CDH13: variants seen among roughly 807,000 people sequenced by gnomAD.
CDH13 encodes cadherin 13.
In CDH13, 24 loss-of-function variants were observed where a neutral mutation model predicts 63.8. The observed-to-expected ratio is 0.38, with a 90% confidence interval of 0.27 to 0.53. CDH13 has a LOEUF of 0.53. Among genes scored for constraint, CDH13 ranks in the 20% least tolerant of loss-of-function variants. The pLI, the probability that CDH13 is intolerant of heterozygous loss-of-function variation, is 0.85. For missense variants in CDH13, 1,049 were observed against 903.1 expected, an observed-to-expected ratio of 1.16 and a Z score of -2.07; for synonymous variants, 503 against 355.3, an observed-to-expected ratio of 1.42 and a Z score of -4.67.
intron 5 of CDH13, among the ~76,000 whole-genome samples, chr16:83,311,447 C>A (rs923489867): frequency 5.3e-5 from 8 of 152,190 alleles, no homozygotes; most frequent in Non-Finnish European, 1.2e-4. Context: ...TCTGAGTTTT[C>A]TCCTTATACC....
intron 1 of CDH13, among the ~76,000 whole-genome samples, chr16:82,742,280 G>A (rs1163115122): frequency 6.6e-6 from 1 of 152,042 alleles, no homozygotes; most frequent in African/African-American, 2.4e-5. Context: ...GATTACATTT[G>A]GATGTAATAA....
intron 3 of CDH13, among the ~76,000 whole-genome samples, chr16:83,104,747 G>T (rs1171203778): frequency 2.0e-5 from 3 of 152,196 alleles, no homozygotes; most frequent in African/African-American, 7.2e-5. Flanking sequence ...GGGGGCAATT[G>T]ACTTTGGTGG....
chr16:82,818,982 T>G (rs1049850567), intron 1 of CDH13, among the ~76,000 whole-genome samples: 6 of 152,210 alleles, frequency 3.9e-5, no homozygotes, highest in African/African-American at 7.2e-5. Flanking sequence ...ACTGTGGCTT[T>G]GCCAGGAGGT....
intron 7 of CDH13, among the ~76,000 whole-genome samples, chr16:83,599,622 G>C (rs552159819): frequency 6.6e-6 from 1 of 151,758 alleles, no homozygotes; most frequent in Non-Finnish European, 1.5e-5. Flanking sequence ...ATAACCAAAA[G>C]GCCTAATAAT....
At chr16:82,830,145 C>G (rs2038464683) in intron 1 of CDH13, among the ~76,000 whole-genome samples, 1 of 152,138 alleles carries the variant, frequency 6.6e-6, no homozygotes, top group South Asian at 2.1e-4. Flanking sequence ...GGTGGCAGGG[C>G]TGGGATCCAT....
intron 7 of CDH13, among the ~76,000 whole-genome samples, chr16:83,578,716 C>A (rs970189906): frequency 6.6e-6 from 1 of 152,188 alleles, no homozygotes; most frequent in African/African-American, 2.4e-5. Context: ...CTTCAAACAC[C>A]TTACAGATTG....
intron 11 of CDH13, among the ~76,000 whole-genome samples, chr16:83,776,302 G>A (rs147430425): frequency 7.4e-4 from 112 of 152,228 alleles, no homozygotes; most frequent in African/African-American, 2.5e-3. Context: ...GGATTCTTCC[G>A]AGATATTCAA....
At chr16:82,890,219 A>G (rs926137146) in intron 2 of CDH13, among the ~76,000 whole-genome samples, 1 of 152,184 alleles carries the variant, frequency 6.6e-6, no homozygotes, top group Non-Finnish European at 1.5e-5. Flanking sequence ...AAAATTAATG[A>G]CCTGAGAGCC....
chr16:83,750,976 T>TA (rs11297972), intron 11 of CDH13, among the ~76,000 whole-genome samples: 26,158 of 147,882 alleles, frequency 0.18, 2,651 homozygotes, highest in Middle Eastern at 0.26. Context: ...CTTAACTATT[T>TA]AAAAAAAAAA....
At position 83,175,086 on chromosome 16, in the gene CDH13, G is replaced by A. The variant is rs186971124; in HGVS notation, c.484-42259G>A. ...AATCATCAGCTACGTATCGCTGGTG[G>A]CTATTATATGCAGTACATACATACT... On this transcript the variant is annotated intron_variant, in intron 4 of 13. Transcript: ENST00000567109. Among the ~76,000 whole-genome samples the A allele has an allele frequency of 1.3e-5, 2 of 152,072 alleles. 1 individual carries two copies. The highest frequency in any genetic ancestry group is 1.3e-4 in the Admixed American group (2 of 15,252).
chr16:83,392,035 C>G (rs145501092), intron 6 of CDH13, among the ~76,000 whole-genome samples: 1 of 152,260 alleles, frequency 6.6e-6, no homozygotes, highest in African/African-American at 2.4e-5. Flanking sequence ...ACCTAATTGT[C>G]ACCTCCCACT....
In CDH13 at chr16:82,698,746, G is replaced by T. The variant is rs187856453; in HGVS notation, c.45+71609G>T. ...TGGCACAGGGGGGCGTGAAGAATCGGAACATTTTTTACAATCTATTACAGG... is the reference window on the plus strand; with the variant it reads ...TGGCACAGGGGGGCGTGAAGAATCGTAACATTTTTTACAATCTATTACAGG... On this transcript the variant is annotated intron_variant, in intron 1 of 13. Transcript: ENST00000567109. Among the ~76,000 whole-genome samples, 248 of 152,254 alleles carry T rather than the reference G, an allele frequency of 1.6e-3. 2 individuals are homozygous for T. The highest frequency in any genetic ancestry group is 6.6e-3 in the South Asian group (32 of 4,820).
At chr16:83,019,214 A>G (rs543291460) in intron 2 of CDH13, among the ~76,000 whole-genome samples, 1 of 152,182 alleles carries the variant, frequency 6.6e-6, no homozygotes, top group Non-Finnish European at 1.5e-5. Context: ...TATTTTCTTT[A>G]TATCCTTATT....
chr16:83,264,959 G>T (rs139110994), intron 5 of CDH13, among the ~76,000 whole-genome samples: 27 of 152,008 alleles, frequency 1.8e-4, no homozygotes, highest in African/African-American at 6.3e-4. Flanking sequence ...TATGAAATAC[G>T]ACTCTGATAG....
intron 11 of CDH13, among the ~76,000 whole-genome samples, chr16:83,753,791 G>A (rs1004365602): frequency 4.0e-5 from 6 of 151,796 alleles, no homozygotes; most frequent in Non-Finnish European, 2.9e-5. Flanking sequence ...GATACAGTAC[G>A]GAAGTGTCCC....
intron 1 of CDH13, among the ~76,000 whole-genome samples, chr16:82,665,697 A>G (rs1912500749): frequency 6.6e-6 from 1 of 151,932 alleles, no homozygotes; most frequent in South Asian, 2.1e-4. Context: ...GACTCTGCCC[A>G]ACTCCAGACA....
chr16:82,984,619 T>G (rs1400473558), intron 2 of CDH13, among the ~76,000 whole-genome samples: 7 of 152,244 alleles, frequency 4.6e-5, no homozygotes, highest in Admixed American at 2.0e-4. Flanking sequence ...CTCATTTGTT[T>G]GTAGCAACTG....
In CDH13 at chr16:83,346,621, C is replaced by T. The variant is rs142954018; in HGVS notation, c.781+1615C>T. 1.5e-3 allele frequency among the ~76,000 whole-genome samples: 235 copies of T among 152,208 alleles called. 3 individuals are homozygous for T. The East Asian group carries it at 0.029, about 19-fold the overall frequency. ...TATATTATGTGTGTATATGATTAGACGGTGTCCAATTTTCCTCCCACTGTG... is the reference window on the plus strand; with the variant it reads ...TATATTATGTGTGTATATGATTAGATGGTGTCCAATTTTCCTCCCACTGTG... On this transcript the variant is annotated intron_variant, in intron 6 of 13. Transcript: ENST00000567109.
intron 10 of CDH13, among the ~76,000 whole-genome samples, chr16:83,692,336 C>T (rs899688580): frequency 6.6e-6 from 1 of 152,128 alleles, no homozygotes; most frequent in African/African-American, 2.4e-5. Flanking sequence ...GCTCCCTGGA[C>T]TCAAGGTTGC....
Sources: gnomAD v4.1 joint callset for allele counts (sites outside exome capture counted in the v4.1 genomes callset) on GRCh38, gnomAD v4.1.1 for gene constraint, MANE v1.5 for transcripts, NCBI Gene and HGNC (gene_info 2026-07-23, HGNC 2026-07-21) for gene names.